NAV3: variants seen among roughly 807,000 people sequenced by gnomAD.
NAV3 encodes the protein neuron navigator 3.
Under a neutral mutation model 244.7 loss-of-function variants are expected in NAV3, and 87 were observed. The ratio of observed to expected loss-of-function variants is 0.36; its 90% confidence interval spans 0.30 to 0.42. The LOEUF is 0.42. Among genes scored for constraint, NAV3 ranks in the 20% least tolerant of loss-of-function variants. The pLI, the probability that NAV3 is intolerant of heterozygous loss-of-function variation, is 1.00. For synonymous variants in NAV3, 1,126 were observed against 1,042.2 expected (o/e 1.08, Z -1.55); for missense variants, 2,663 against 2,893.3 (o/e 0.92, Z 1.83).
At chr12:78,059,697 A>G (rs1884048321) in intron 12 of NAV3, among the ~76,000 whole-genome samples, 1 of 152,160 alleles carries the variant, frequency 6.6e-6, no homozygotes, top group South Asian at 2.1e-4. Flanking sequence ...ATTTCAGGTA[A>G]CATAGTTGCA....
rs1011455246 is a variant in NAV3 at position 78,119,532 on chromosome 12, C to A, written c.3336C>A (p.Thr1112=). The change falls in exon 15 of 40, where the codon ACC becomes ACA. Residue 1112 remains threonine (T), a synonymous_variant. Coordinates refer to ENST00000397909, the MANE Select transcript of NAV3 (RefSeq NM_001024383.2). ...IGGKSNAGRK[T]SLDGSQNQDD... The stretch of plus-strand genomic sequence containing the variant: ...GGAAGTCAAATGCAGGGAGAAAAAC[C>A]AGTTTGGACGGTTCACAGAATCAGG... 1 of 1,614,166 alleles carries A rather than the reference C, an allele frequency of 6.2e-7. No individual in the cohort carries two copies. Among genetic ancestry groups the A allele is most frequent in the East Asian group, 2.2e-5 (1 of 44,884 alleles).
At chr12:77,827,236 C>T (rs1301652923), upstream of NAV3, among the ~76,000 whole-genome samples, 1 of 68,530 alleles carries the variant, frequency 1.5e-5, no homozygotes, top group Non-Finnish European at 2.9e-5. Context: ...ACTCTGTCTC[C>T]AAAAAAAAAA....
intron 2 of NAV3, among the ~76,000 whole-genome samples, chr12:77,669,325 G>A (rs1358138999): frequency 6.6e-6 from 1 of 152,064 alleles, no homozygotes; most frequent in Non-Finnish European, 1.5e-5. Context: ...CAAATAGCAC[G>A]ATGAATAGAA....
chr12:78,090,964 G>C (rs770564148), intron 12 of NAV3, among the ~76,000 whole-genome samples: 8,167 of 118,342 alleles, frequency 0.069, 256 homozygotes, highest in Non-Finnish European at 0.094. Flanking sequence ...CTGTGTGTGT[G>C]TGTGTGTGTG....
At chr12:77,735,010 T>TA (rs1224549796) in intron 2 of NAV3, among the ~76,000 whole-genome samples, 1 of 152,096 alleles carries the variant, frequency 6.6e-6, no homozygotes, top group Non-Finnish European at 1.5e-5. Context: ...ATTTTCTCTC[T>TA]AAAAAAAGCT....
chr12:77,854,938 T>G (rs1878150885), intron 1 of NAV3, among the ~76,000 whole-genome samples: 1 of 151,978 alleles, frequency 6.6e-6, no homozygotes, highest in Non-Finnish European at 1.5e-5. Context: ...CCATCCTGGC[T>G]AACACGATGA....
At chr12:78,060,195 T>C (rs1386547147) in intron 12 of NAV3, among the ~76,000 whole-genome samples, 1 of 152,196 alleles carries the variant, frequency 6.6e-6, no homozygotes, top group Non-Finnish European at 1.5e-5. Context: ...CCTAGAGTAG[T>C]TGTTTAATTC....
At chr12:77,654,296 G>T (rs533272632) in intron 2 of NAV3, among the ~76,000 whole-genome samples, 11 of 152,400 alleles carry the variant, frequency 7.2e-5, no homozygotes, top group African/African-American at 2.6e-4. Context: ...CGCGCCACGA[G>T]ATTATATCCT....
intron 1 of NAV3, among the ~76,000 whole-genome samples, chr12:77,939,570 G>T: frequency 6.6e-6 from 1 of 152,122 alleles, no homozygotes; most frequent in Non-Finnish European, 1.5e-5. Context: ...CTATTCAATT[G>T]AAAAAATTAA....
chr12:78,086,129 A>G (rs1953624965), intron 12 of NAV3, among the ~76,000 whole-genome samples: 1 of 152,082 alleles, frequency 6.6e-6, no homozygotes, highest in Non-Finnish European at 1.5e-5. Flanking sequence ...AGGATTGTTG[A>G]GAGGATTAAA....
chr12:77,681,270 T>G (rs1874446233), intron 2 of NAV3, among the ~76,000 whole-genome samples: 1 of 152,180 alleles, frequency 6.6e-6, no homozygotes, highest in East Asian at 1.9e-4. Context: ...GAAAACATGA[T>G]TTGGATACCT....
Position 77,831,323 on chromosome 12 carries a change from A to T in NAV3, c.-139A>T. On this transcript the variant is annotated 5_prime_UTR_variant, in exon 1 of 40. Transcript: ENST00000397909. Reference sequence around the variant, plus strand: ...GAAGTTTTGCCTCTTCCTGAAAATTATATTATTAGCTTTTTAAAAATCAGG... The same window carrying T: ...GAAGTTTTGCCTCTTCCTGAAAATTTTATTATTAGCTTTTTAAAAATCAGG... 1.1e-6 allele frequency: 1 copy of T among 904,154 alleles called. No homozygotes were observed. Among genetic ancestry groups the T allele is most frequent in the Non-Finnish European group, 1.6e-6 (1 of 632,888 alleles). The allele number at this position is 904,154 out of a possible 1,614,324, so 56.0% of individuals were successfully genotyped here.
chr12:77,857,903 T>G (rs1878637234), intron 1 of NAV3, among the ~76,000 whole-genome samples: 1 of 152,062 alleles, frequency 6.6e-6, no homozygotes, highest in Admixed American at 6.6e-5. Context: ...TTTATTGTTT[T>G]GTTTGCATAT....
chr12:77,814,126 A>G (rs1217212622), intron 2 of NAV3, among the ~76,000 whole-genome samples: 1 of 152,130 alleles, frequency 6.6e-6, no homozygotes, highest in Non-Finnish European at 1.5e-5. Flanking sequence ...GAGATTCACT[A>G]AGAGTAAAGG....
chr12:78,006,869 C>T lies in NAV3; in HGVS notation c.1331C>T (p.Pro444Leu), dbSNP rs1283006184. ...ACAAATAGCAGTCCCAAAGTGTCACCTAAGTTGGCCCCTCCAAAAGCTGGA... is the reference window on the plus strand; with the variant it reads ...ACAAATAGCAGTCCCAAAGTGTCACTTAAGTTGGCCCCTCCAAAAGCTGGA... Reference protein sequence around the residue: ...GSTNSSPKVSPKLAPPKAGSK... With the variant: ...GSTNSSPKVSLKLAPPKAGSK... Residue 444 changes from proline to leucine, a missense_variant, in exon 8 of 40, where the codon CCT (proline) becomes CTT (leucine). Physicochemically the swap from Pro to Leu is moderately conservative, Grantham distance 98 (BLOSUM62 -3). This residue lies in a region of NAV3 where 1,521 missense variants were observed against 1,497.0 expected (regional missense o/e 1.02). Coordinates refer to ENST00000397909, the MANE Select transcript of NAV3 (RefSeq NM_001024383.2). The T allele has an allele frequency of 1.2e-6, 2 of 1,613,984 alleles. No homozygotes were observed. Among genetic ancestry groups the T allele is most frequent in the Non-Finnish European group, 1.7e-6 (2 of 1,180,046 alleles).
chr12:78,090,160 CAT>C (rs923094227), intron 12 of NAV3, among the ~76,000 whole-genome samples: 3 of 149,178 alleles, frequency 2.0e-5, no homozygotes, highest in African/African-American at 4.9e-5. Context: ...CAAATACATA[CAT>C]ATATATATGT....
intron 1 of NAV3, among the ~76,000 whole-genome samples, chr12:77,886,275 G>A (rs139228382): frequency 2.4e-4 from 37 of 152,160 alleles, no homozygotes; most frequent in African/African-American, 8.7e-4. Context: ...AACATTCAAG[G>A]GCTTCTCTTT....
intron 1 of NAV3, among the ~76,000 whole-genome samples, chr12:77,834,413 C>T (rs1874261968): frequency 6.6e-6 from 1 of 152,064 alleles, no homozygotes. Flanking sequence ...GAGTAAAAAG[C>T]AGGGAAACAT....
intron 2 of NAV3, among the ~76,000 whole-genome samples, chr12:77,621,487 T>TC (rs1331381465): frequency 6.6e-6 from 1 of 150,398 alleles, no homozygotes; most frequent in Non-Finnish European, 1.5e-5. Flanking sequence ...CTTTTTTTTT[T>TC]TTTTTTGCTT....
Sources: allele counts gnomAD v4.1 joint callset (sites outside exome capture counted in the v4.1 genomes callset), GRCh38; gene constraint gnomAD v4.1.1; regional missense constraint gnomAD v4.1.1; transcripts MANE v1.5; gene names NCBI Gene and HGNC (gene_info 2026-07-23, HGNC 2026-07-21).